The following GABRB2 variants were observed in gnomAD, a reference collection of about 807,000 sequenced individuals.
The protein encoded by GABRB2 is gamma-aminobutyric acid receptor subunit beta-2.
GABRB2 carries 16 observed loss-of-function variants against 54.7 expected under a neutral mutation model. The ratio of observed to expected loss-of-function variants is 0.29; its 90% CI spans 0.20 to 0.44. GABRB2 has a LOEUF of 0.44. Among genes scored for constraint, GABRB2 ranks in the 20% least tolerant of loss-of-function variants. The probability of loss-of-function intolerance (pLI) is 1.00; values close to 1 mark genes in which losing one functional copy is unlikely to be tolerated. For synonymous variants in GABRB2, 244 were observed against 233.8 expected, an observed-to-expected ratio of 1.04 and a Z score of -0.40; for missense variants, 355 against 644.0, an observed-to-expected ratio of 0.55 and a Z score of 4.86.
At chr5:161,340,920 G>A (rs1223969968) in intron 5 of GABRB2, among the ~76,000 whole-genome samples, 1 of 151,928 alleles carries the variant, frequency 6.6e-6, no homozygotes, top group Non-Finnish European at 1.5e-5. Context: ...GATGTTTTGG[G>A]TTTTGGAATC....
intron 3 of GABRB2, among the ~76,000 whole-genome samples, chr5:161,465,513 CTT>C (rs1758253481): frequency 6.6e-6 from 1 of 152,054 alleles, no homozygotes; most frequent in Admixed American, 6.6e-5. Flanking sequence ...TGTCTAAACA[CTT>C]TTTGTTTTTG....
intron 5 of GABRB2, among the ~76,000 whole-genome samples, chr5:161,373,849 C>T (rs983407100): frequency 2.6e-5 from 4 of 152,162 alleles, no homozygotes; most frequent in African/African-American, 7.2e-5. Flanking sequence ...TTCAAGTCTA[C>T]GCCACTCCCT....
intron 6 of GABRB2, 37 bp downstream of exon 6, chr5:161,336,595 A>C: frequency 6.2e-7 from 1 of 1,604,236 alleles, no homozygotes; most frequent in South Asian, 1.1e-5. Flanking sequence ...AATACGGTGA[A>C]GATTATTTTC....
chr5:161,454,853 G>A (rs1027131568), intron 4 of GABRB2, among the ~76,000 whole-genome samples: 1 of 152,032 alleles, frequency 6.6e-6, no homozygotes, highest in Non-Finnish European at 1.5e-5. Flanking sequence ...ATTACTCTTT[G>A]TTAAGGAAAT....
At chr5:161,544,742 G>A (rs1452029441) in intron 3 of GABRB2, among the ~76,000 whole-genome samples, 1 of 152,158 alleles carries the variant, frequency 6.6e-6, no homozygotes, top group African/African-American at 2.4e-5. Flanking sequence ...CAGGAATGGG[G>A]GATGGGGGCT....
chr5:161,478,709 C>T (rs115901942), intron 3 of GABRB2, among the ~76,000 whole-genome samples: 1,873 of 152,058 alleles, frequency 0.012, 40 homozygotes, highest in African/African-American at 0.042. Context: ...CTACATCATA[C>T]AATGTGCCCT....
chr5:161,439,849 G>C (rs1016552370), intron 4 of GABRB2, among the ~76,000 whole-genome samples: 2 of 151,962 alleles, frequency 1.3e-5, no homozygotes, highest in Non-Finnish European at 2.9e-5. Flanking sequence ...GAGGGCATAA[G>C]GAAGAATAGC....
chr5:161,484,209 C>T (rs1204476396), intron 3 of GABRB2, among the ~76,000 whole-genome samples: 1 of 151,870 alleles, frequency 6.6e-6, no homozygotes, highest in East Asian at 1.9e-4. Flanking sequence ...TATAAGCACT[C>T]CCAGATTTAA....
intron 5 of GABRB2, 30 bp from the exon 6 acceptor site, chr5:161,336,799 C>T (rs1754006604): frequency 1.3e-6 from 2 of 1,506,786 alleles, no homozygotes; most frequent in Non-Finnish European, 1.8e-6. Flanking sequence ...CACACACACA[C>T]ACAAATACAG....
At chr5:161,491,748 A>G (rs905262011) in intron 3 of GABRB2, among the ~76,000 whole-genome samples, 3 of 151,630 alleles carry the variant, frequency 2.0e-5, no homozygotes, top group African/African-American at 7.2e-5. Flanking sequence ...TCTATTCCAT[A>G]TTTTACTGGA....
intron 5 of GABRB2, among the ~76,000 whole-genome samples, chr5:161,366,456 C>G (rs1032267128): frequency 6.6e-6 from 1 of 152,074 alleles, no homozygotes; most frequent in Non-Finnish European, 1.5e-5. Flanking sequence ...AATCATTTGA[C>G]ATTATCTGAA....
intron 4 of GABRB2, among the ~76,000 whole-genome samples, chr5:161,456,161 T>C (rs1364179415): frequency 6.6e-6 from 1 of 152,190 alleles, no homozygotes; most frequent in Non-Finnish European, 1.5e-5. Context: ...CCTTGATATT[T>C]AAAGTTTTTC....
chr5:161,423,589 G>C (rs1355596517), intron 4 of GABRB2, among the ~76,000 whole-genome samples: 2 of 152,134 alleles, frequency 1.3e-5, no homozygotes, highest in Non-Finnish European at 2.9e-5. Flanking sequence ...ATATAAGACA[G>C]TGAACTTAAT....
chr5:161,301,718 G>A (rs1037957900), intron 9 of GABRB2, among the ~76,000 whole-genome samples: 1 of 152,176 alleles, frequency 6.6e-6, no homozygotes, highest in Admixed American at 6.5e-5. Flanking sequence ...TGCAGGCCTT[G>A]CTTCAGTACA....
At chr5:161,517,647 T>C (rs2113421414) in intron 3 of GABRB2, among the ~76,000 whole-genome samples, 1 of 152,334 alleles carries the variant, frequency 6.6e-6, no homozygotes, top group Non-Finnish European at 1.5e-5. Flanking sequence ...GTCCACCGCC[T>C]GCATTACTGC....
intron 3 of GABRB2, among the ~76,000 whole-genome samples, chr5:161,532,320 C>A (rs918968652): frequency 6.6e-6 from 1 of 152,050 alleles, no homozygotes; most frequent in Non-Finnish European, 1.5e-5. Context: ...ATTATTGTCA[C>A]AAAAGCCCAT....
chr5:161,454,528 ATAACTAGG>A (rs1757892863), intron 4 of GABRB2, among the ~76,000 whole-genome samples: 1 of 152,238 alleles, frequency 6.6e-6, no homozygotes, highest in Non-Finnish European at 1.5e-5. Context: ...CAATGAAAAG[ATAACTAGG>A]GTAAAGTTCT....
intron 3 of GABRB2, among the ~76,000 whole-genome samples, chr5:161,470,892 T>C (rs1450773960): frequency 6.6e-6 from 1 of 152,010 alleles, no homozygotes; most frequent in Non-Finnish European, 1.5e-5. Context: ...AGGCGTCTTA[T>C]CTTTAACACA....
chr5:161,442,751 T>C (rs1042014250), intron 4 of GABRB2, among the ~76,000 whole-genome samples: 3 of 151,360 alleles, frequency 2.0e-5, no homozygotes, highest in African/African-American at 7.3e-5. Context: ...TTTTCAATTC[T>C]CTCTCTCTCT....
Sources: allele counts gnomAD v4.1 joint callset (sites outside exome capture counted in the v4.1 genomes callset), GRCh38; gene constraint gnomAD v4.1.1; transcripts MANE v1.5; gene names NCBI Gene and HGNC (gene_info 2026-07-23, HGNC 2026-07-21).